Variants in JAM3 observed in about 807,000 individuals in gnomAD.
JAM3 encodes junctional adhesion molecule 3.
Under a neutral mutation model 39.4 loss-of-function variants are expected in JAM3, and 31 were observed. The observed-to-expected ratio is 0.79, with a 90% CI of 0.59 to 1.06. The LOEUF is 1.06. JAM3 is among the 50% of genes least tolerant of loss of function. JAM3 has a pLI of 0.00. For missense variants in JAM3, 455 were observed against 391.4 expected, an observed-to-expected ratio of 1.16 and a Z score of -1.37; for synonymous variants, 182 against 148.7, an observed-to-expected ratio of 1.22 and a Z score of -1.63.
At chr11:134,146,814 C>T (rs966258699) in intron 6 of JAM3, among the ~76,000 whole-genome samples, 1 of 152,200 alleles carries the variant, frequency 6.6e-6, no homozygotes, top group Non-Finnish European at 1.5e-5. Context: ...ATCCTCCTGC[C>T]TCGGCCTCCC....
intron 1 of JAM3, among the ~76,000 whole-genome samples, chr11:134,108,917 T>C (rs1348900507): frequency 3.3e-5 from 5 of 152,110 alleles, no homozygotes; most frequent in African/African-American, 4.8e-5. Flanking sequence ...ATAGGTAATA[T>C]TATATTATTG....
At chr11:134,102,893 A>G (rs940788423) in intron 1 of JAM3, among the ~76,000 whole-genome samples, 2 of 152,238 alleles carry the variant, frequency 1.3e-5, no homozygotes, top group African/African-American at 4.8e-5. Flanking sequence ...TGATTGGTGT[A>G]CCTGAAAGTG....
At chr11:134,115,887 A>G (rs2120748845) in intron 1 of JAM3, among the ~76,000 whole-genome samples, 1 of 152,212 alleles carries the variant, frequency 6.6e-6, no homozygotes, top group East Asian at 1.9e-4. Context: ...ACAGAATGAG[A>G]CCATGTCTCA....
chr11:134,111,133 C>CTTTTTTTTTTTTTTTT (rs71038561), intron 1 of JAM3, among the ~76,000 whole-genome samples: 15 of 86,770 alleles, frequency 1.7e-4, no homozygotes, highest in African/African-American at 8.3e-4. Flanking sequence ...ACACATCCAT[C>CTTTTTTTTTTTTTTTT]TTTTTTTTTT....
At chr11:134,081,040 A>G (rs1303754231) in intron 1 of JAM3, among the ~76,000 whole-genome samples, 3 of 152,236 alleles carry the variant, frequency 2.0e-5, no homozygotes, top group Non-Finnish European at 2.9e-5. Context: ...CCCCTGCCCT[A>G]GAGATTTGTG....
Position 134,144,843 on chromosome 11 carries a change from A to C in JAM3, c.461A>C (p.Lys154Thr), listed in dbSNP as rs957584777. The change falls in exon 5 of 9, where the codon AAG becomes ACG. Residue 154 changes from lysine (K) to threonine (T), a missense_variant. Physicochemically the swap from Lys to Thr is moderately conservative, Grantham distance 78 (BLOSUM62 -1). Coordinates refer to ENST00000299106, the MANE Select transcript of JAM3 (RefSeq NM_032801.5). ...GTGCCGAAGGCTGTACCAGTAGGCA[A>C]GATGGCAACACTGCACTGCCAGGAG... ...CRVPKAVPVGKMATLHCQESE... is the reference protein window; with the variant it reads ...CRVPKAVPVGTMATLHCQESE... The C allele has an allele frequency of 1.1e-5, 18 of 1,614,102 alleles. No individual in the cohort carries two copies. Among genetic ancestry groups the C allele is most frequent in the African/African-American group, 2.7e-5 (2 of 74,932 alleles).
intron 1 of JAM3, among the ~76,000 whole-genome samples, chr11:134,120,412 A>G (rs996156622): frequency 1.3e-5 from 2 of 152,242 alleles, no homozygotes; most frequent in Non-Finnish European, 2.9e-5. Context: ...TGAGCAACAC[A>G]TCAGATTCAG....
intron 1 of JAM3, among the ~76,000 whole-genome samples, chr11:134,110,759 TGTG>T (rs993742326): frequency 5.3e-5 from 8 of 152,232 alleles, no homozygotes; most frequent in Admixed American, 2.6e-4. Context: ...CTATTGTGGT[TGTG>T]GTGGTGGTGG....
intron 7 of JAM3, 25 bp downstream of exon 7, chr11:134,148,701 G>A: frequency 1.9e-6 from 3 of 1,614,144 alleles, no homozygotes; most frequent in East Asian, 2.2e-5. Flanking sequence ...TGTGAAAAAA[G>A]GGAAGTTCAA....
intron 1 of JAM3, among the ~76,000 whole-genome samples, chr11:134,136,862 C>A (rs914292085): frequency 6.6e-6 from 1 of 152,140 alleles, no homozygotes; most frequent in Non-Finnish European, 1.5e-5. Flanking sequence ...GCCTGTAATC[C>A]CAGCACTTTG....
chr11:134,133,489 G>A (rs1324748105), intron 1 of JAM3, among the ~76,000 whole-genome samples: 3 of 152,094 alleles, frequency 2.0e-5, no homozygotes, highest in Admixed American at 6.5e-5. Flanking sequence ...TTTACTGAGT[G>A]TTTTTATCTT....
At chr11:134,128,541 T>G (rs779428082) in intron 1 of JAM3, among the ~76,000 whole-genome samples, 1 of 152,192 alleles carries the variant, frequency 6.6e-6, no homozygotes, top group Non-Finnish European at 1.5e-5. Flanking sequence ...TGGAGTTGGC[T>G]TCCCCCCATG....
intron 1 of JAM3, among the ~76,000 whole-genome samples, chr11:134,118,564 C>T (rs1942479118): frequency 6.6e-6 from 1 of 152,038 alleles, no homozygotes; most frequent in Admixed American, 6.5e-5. Flanking sequence ...TTGTCTCTGG[C>T]CTCCCCCTGC....
At chr11:134,129,979 G>GT (rs1201591211) in intron 1 of JAM3, among the ~76,000 whole-genome samples, 3 of 151,746 alleles carry the variant, frequency 2.0e-5, no homozygotes, top group Non-Finnish European at 2.9e-5. Context: ...TCCAGCCTTG[G>GT]TTACAGAGTG....
chr11:134,097,286 A>G (rs1158333608), intron 1 of JAM3, among the ~76,000 whole-genome samples: 2 of 152,200 alleles, frequency 1.3e-5, no homozygotes, highest in African/African-American at 2.4e-5. Context: ...GTACTAGGAA[A>G]GTTGGCAAAT....
chr11:134,123,605 T>C (rs1440652561), intron 1 of JAM3, among the ~76,000 whole-genome samples: 1 of 152,236 alleles, frequency 6.6e-6, no homozygotes, highest in Non-Finnish European at 1.5e-5. Flanking sequence ...CTTCACTGAA[T>C]TAATTCCTTT....
chr11:134,120,805 C>T (rs554981255), intron 1 of JAM3, among the ~76,000 whole-genome samples: 2 of 152,208 alleles, frequency 1.3e-5, no homozygotes, highest in African/African-American at 4.8e-5. Context: ...GAGCCAGGCT[C>T]TATGGAATCA....
In JAM3 at chr11:134,121,348, CAG is replaced by C. The variant is rs1329962438; in HGVS notation, c.77-18501_77-18500del. Among the ~76,000 whole-genome samples the C allele has an allele frequency of 2.0e-5, 3 of 152,248 alleles. No homozygotes were observed. The East Asian group carries it at 5.8e-4, about 29-fold the overall frequency. Reference sequence around the variant, plus strand: ...CCAAATTAGGAAAGGGAAGGGGAAACAGAACACAGTAGTTCCAGAGAAGAATC... The same window carrying C: ...CCAAATTAGGAAAGGGAAGGGGAAACAACACAGTAGTTCCAGAGAAGAATC... On this transcript the variant is annotated intron_variant, in intron 1 of 8. Transcript: ENST00000299106.
rs1391026771 is a variant in JAM3, at chr11:134,144,974, A to G, written c.592A>G (p.Asn198Asp). The change falls in exon 5 of 9, where the codon AAC (asparagine) becomes GAC (aspartate). Residue 198 changes from asparagine to aspartate, a missense_variant. Physicochemically the swap from Asn to Asp is conservative, Grantham distance 23 (BLOSUM62 1). Transcript: ENST00000299106. ...PRFRNSSFHL[N>D]SETGTLVFTA... is the part of the protein sequence containing the mutation. ...ATTTCGCAATTCTTCTTTCCACTTA[A>G]ACTCTGAAACAGGCACTTTGGTAAG... 2 of 1,613,994 alleles carry G rather than the reference A, an allele frequency of 1.2e-6. No individual in the cohort carries two copies. The highest frequency in any genetic ancestry group is 3.3e-4 in the Middle Eastern group (2 of 6,062).
Sources: allele counts gnomAD v4.1 joint callset (sites outside exome capture counted in the v4.1 genomes callset), GRCh38; gene constraint gnomAD v4.1.1; transcripts MANE v1.5; gene names NCBI Gene and HGNC (gene_info 2026-07-23, HGNC 2026-07-21).